Variants in PDE1C observed in about 807,000 individuals in gnomAD.
PDE1C encodes the protein dual specificity calcium/calmodulin-dependent 3',5'-cyclic nucleotide phosphodiesterase 1C.
A neutral mutation model predicts 93.1 loss-of-function variants in PDE1C; 62 were observed. The observed-to-expected ratio is 0.67, with a 90% CI of 0.54 to 0.82. The LOEUF is 0.82. Ranked by LOEUF, PDE1C falls within the 40% of genes least tolerant of loss-of-function variation. PDE1C has a pLI of 0.00. For synonymous variants in PDE1C, 325 were observed against 310.1 expected (o/e 1.05, Z -0.50); for missense variants, 742 against 884.6 (o/e 0.84, Z 2.04).
At chr7:32,042,445 G>C (rs911776981) in intron 2 of PDE1C, among the ~76,000 whole-genome samples, 48 of 152,320 alleles carry the variant, frequency 3.2e-4, no homozygotes, top group African/African-American at 1.1e-3. Flanking sequence ...CCTCAGATGA[G>C]TTACCTCTTT....
intron 9 of PDE1C, among the ~76,000 whole-genome samples, chr7:31,842,846 T>G (rs2128780475): frequency 6.6e-6 from 1 of 152,114 alleles, no homozygotes; most frequent in East Asian, 1.9e-4. Flanking sequence ...TTGGAACTTT[T>G]TTCTTTCCTA....
At chr7:31,956,292 C>A (rs908379811) in intron 2 of PDE1C, among the ~76,000 whole-genome samples, 4 of 151,988 alleles carry the variant, frequency 2.6e-5, no homozygotes, top group African/African-American at 7.2e-5. Flanking sequence ...TGGGGTTTCA[C>A]CATGTTGGCC....
At chr7:32,121,669 G>T (rs1799308148) in intron 3 of PDE1C, among the ~76,000 whole-genome samples, 1 of 152,012 alleles carries the variant, frequency 6.6e-6, no homozygotes, top group African/African-American at 2.4e-5. Flanking sequence ...ACAAGCAAAG[G>T]CTGAGGGATT....
At chr7:32,098,315 G>T (rs1797874032) in intron 3 of PDE1C, among the ~76,000 whole-genome samples, 1 of 148,544 alleles carries the variant, frequency 6.7e-6, no homozygotes, top group African/African-American at 2.5e-5. Flanking sequence ...CCATTTTATA[G>T]ATGAAGTTCC....
At chr7:31,882,955 A>G (rs1797431733) in intron 2 of PDE1C, among the ~76,000 whole-genome samples, 1 of 152,216 alleles carries the variant, frequency 6.6e-6, no homozygotes, top group African/African-American at 2.4e-5. Context: ...TTTTAAAAGT[A>G]AATGAAAACA....
chr7:31,908,415 G>A (rs909297937), intron 2 of PDE1C, among the ~76,000 whole-genome samples: 3 of 152,112 alleles, frequency 2.0e-5, no homozygotes, highest in Non-Finnish European at 2.9e-5. Flanking sequence ...CACAGTAAGG[G>A]TGCGTGAGTA....
chr7:32,035,961 C>T (rs17337005), intron 2 of PDE1C, among the ~76,000 whole-genome samples: 1 of 152,126 alleles, frequency 6.6e-6, no homozygotes, highest in Admixed American at 6.5e-5. Context: ...GGATAATGAA[C>T]AAGAAGGACA....
At chr7:32,127,811 A>G (rs913295396) in intron 3 of PDE1C, among the ~76,000 whole-genome samples, 1 of 152,074 alleles carries the variant, frequency 6.6e-6, no homozygotes, top group African/African-American at 2.4e-5. Flanking sequence ...CCCCTATTTA[A>G]CCATAAAGTT....
intron 11 of PDE1C, among the ~76,000 whole-genome samples, chr7:31,828,975 T>G (rs1456736018): frequency 1.3e-5 from 2 of 152,188 alleles, no homozygotes; most frequent in Non-Finnish European, 2.9e-5. Context: ...CTAACCAATA[T>G]ATTCTCAATC....
At chr7:31,907,307 C>T (rs540718299) in intron 2 of PDE1C, among the ~76,000 whole-genome samples, 73 of 152,264 alleles carry the variant, frequency 4.8e-4, no homozygotes, top group Non-Finnish European at 9.1e-4. Flanking sequence ...GTAAGATCAA[C>T]TCTGAGTTAT....
intron 3 of PDE1C, among the ~76,000 whole-genome samples, chr7:32,092,822 A>C (rs1487972063): frequency 6.6e-6 from 1 of 151,474 alleles, no homozygotes; most frequent in African/African-American, 2.4e-5. Context: ...GAGTATTCTT[A>C]CCAGCACTGT....
chr7:31,686,317 C>A, the PDE1C span, among the ~76,000 whole-genome samples: 2 of 152,126 alleles, frequency 1.3e-5, no homozygotes, highest in Admixed American at 1.3e-4. Context: ...GTGAGCAGAC[C>A]CAAAACATAG....
At position 32,263,314 on chromosome 7, in the gene PDE1C, C is replaced by A. The variant is rs1413698424; in HGVS notation, c.85+35337G>T. 2.0e-5 allele frequency among the ~76,000 whole-genome samples: 3 copies of A among 152,196 alleles called. 1 individual carries two copies. The highest frequency in any genetic ancestry group is 2.0e-4 in the Admixed American group (3 of 15,290). On this transcript the variant is annotated intron_variant, in intron 1 of 18. Transcript: ENST00000396193. ...ACCTCACTGGCTTTTCTCTCCCTTGCCTTCTCCCTCCTCCCCCTGCATATA... is the reference window on the plus strand; with the variant it reads ...ACCTCACTGGCTTTTCTCTCCCTTGACTTCTCCCTCCTCCCCCTGCATATA...
chr7:32,191,706 A>G (rs1378706718), intron 2 of PDE1C, among the ~76,000 whole-genome samples: 1 of 152,152 alleles, frequency 6.6e-6, no homozygotes, highest in African/African-American at 2.4e-5. Context: ...GTGTTAATAT[A>G]AGTCTTCATT....
intron 1 of PDE1C, among the ~76,000 whole-genome samples, chr7:32,311,130 T>C (rs866345356): frequency 1.4e-4 from 22 of 152,204 alleles, no homozygotes; most frequent in Middle Eastern, 3.4e-3. Flanking sequence ...AACACCTCTA[T>C]GCAAATAAAC....
chr7:31,909,010 T>G (rs951842729), intron 2 of PDE1C, among the ~76,000 whole-genome samples: 1 of 152,170 alleles, frequency 6.6e-6, no homozygotes, highest in Admixed American at 6.5e-5. Context: ...CAGGATGCCC[T>G]TCCTAATGGT....
chr7:32,363,814 A>G (rs1298904230), intron 1 of PDE1C, among the ~76,000 whole-genome samples: 1 of 152,212 alleles, frequency 6.6e-6, no homozygotes, highest in East Asian at 1.9e-4. Context: ...CTCATTAAAA[A>G]TCTATTTTTC....
chr7:32,397,412 A>C (rs186873674), intron 1 of PDE1C, among the ~76,000 whole-genome samples: 1 of 152,266 alleles, frequency 6.6e-6, no homozygotes, highest in East Asian at 1.9e-4. Flanking sequence ...GAAATTTAGA[A>C]GCTTGACAAC....
intron 7 of PDE1C, among the ~76,000 whole-genome samples, chr7:31,861,757 T>C (rs939259840): frequency 2.0e-5 from 3 of 152,162 alleles, no homozygotes; most frequent in Non-Finnish European, 4.4e-5. Context: ...ACTAGACTTC[T>C]GCAGAATTTT....
Sources: gnomAD v4.1 joint callset for allele counts (sites outside exome capture counted in the v4.1 genomes callset) on GRCh38, gnomAD v4.1.1 for gene constraint, MANE v1.5 for transcripts, NCBI Gene and HGNC (gene_info 2026-07-23, HGNC 2026-07-21) for gene names.